Variants in PTPRM observed in about 807,000 individuals in gnomAD.
PTPRM encodes receptor-type tyrosine-protein phosphatase mu.
A neutral mutation model predicts 186.7 loss-of-function variants in PTPRM; 47 were observed. That is an observed-to-expected ratio of 0.25 (90% CI 0.20 to 0.32). The LOEUF is 0.32. Ranked by LOEUF, PTPRM falls within the 10% of genes least tolerant of loss-of-function variation. PTPRM has a pLI of 1.00. For synonymous variants in PTPRM, 668 were observed against 674.9 expected (o/e 0.99, Z 0.16); for missense variants, 1,494 against 1,865.0 (o/e 0.80, Z 3.66).
chr18:8,052,783 A>G (rs2087603626), intron 7 of PTPRM, among the ~76,000 whole-genome samples: 1 of 152,206 alleles, frequency 6.6e-6, no homozygotes, highest in African/African-American at 2.4e-5. Context: ...TGGCTGTACC[A>G]ATCCCACTCT....
intron 7 of PTPRM, among the ~76,000 whole-genome samples, chr18:7,977,913 C>T (rs1012901394): frequency 6.6e-6 from 1 of 152,172 alleles, no homozygotes; most frequent in African/African-American, 2.4e-5. Context: ...CAGTTCTGGA[C>T]AGAATATACT....
intron 1 of PTPRM, among the ~76,000 whole-genome samples, chr18:7,718,538 C>T (rs1254772582): frequency 1.3e-5 from 2 of 152,100 alleles, no homozygotes; most frequent in African/African-American, 4.8e-5. Flanking sequence ...AAAGCAAATG[C>T]AACAAAAACA....
chr18:8,367,360 C>T (rs1221465103), intron 23 of PTPRM, among the ~76,000 whole-genome samples: 1 of 152,256 alleles, frequency 6.6e-6, no homozygotes, highest in African/African-American at 2.4e-5. Context: ...AGCACGCATT[C>T]TAGAAGGAAG....
intron 7 of PTPRM, among the ~76,000 whole-genome samples, chr18:8,047,941 A>G (rs2087182481): frequency 6.6e-6 from 1 of 152,192 alleles, no homozygotes; most frequent in Non-Finnish European, 1.5e-5. Flanking sequence ...AGGACTACGG[A>G]ACAGATGATA....
intron 13 of PTPRM, 114 bp downstream of exon 13, chr18:8,114,941 A>G (rs1308427012): frequency 1.4e-6 from 1 of 700,992 alleles, no homozygotes; most frequent in Non-Finnish European, 2.4e-6. Context: ...TGTGTGTATT[A>G]TATATACATA....
chr18:7,924,597 A>G (rs1379616861), intron 4 of PTPRM, among the ~76,000 whole-genome samples: 1 of 152,186 alleles, frequency 6.6e-6, no homozygotes, highest in Non-Finnish European at 1.5e-5. Flanking sequence ...TAAAATGAAC[A>G]GTCTTTAAGG....
chr18:8,237,888 T>C (rs1190576974), intron 14 of PTPRM, among the ~76,000 whole-genome samples: 2 of 152,234 alleles, frequency 1.3e-5, no homozygotes, highest in Non-Finnish European at 2.9e-5. Flanking sequence ...CTTGTTTGAA[T>C]GGTTTCTGAG....
chr18:7,724,832 A>T (rs1255204997), intron 1 of PTPRM, among the ~76,000 whole-genome samples: 1 of 152,224 alleles, frequency 6.6e-6, no homozygotes, highest in Admixed American at 6.5e-5. Context: ...GTTAGTTTTA[A>T]ACTAATTACT....
chr18:8,021,113 C>G (rs1453388714), intron 7 of PTPRM, among the ~76,000 whole-genome samples: 1 of 152,072 alleles, frequency 6.6e-6, no homozygotes, highest in Non-Finnish European at 1.5e-5. Context: ...AGTAGCAGTA[C>G]CTGTTGACTG....
intron 19 of PTPRM, among the ~76,000 whole-genome samples, chr18:8,282,892 T>C (rs1468947249): frequency 6.6e-6 from 1 of 152,210 alleles, no homozygotes; most frequent in Non-Finnish European, 1.5e-5. Flanking sequence ...CATGGAATAT[T>C]ACTGAGCTGC....
intron 2 of PTPRM, among the ~76,000 whole-genome samples, chr18:7,791,407 T>C (rs148422634): frequency 6.6e-6 from 1 of 152,354 alleles, no homozygotes; most frequent in East Asian, 1.9e-4. Context: ...ATTCACATTA[T>C]AGTCTATTGT....
At chr18:7,630,702 A>G (rs1352837006) in intron 1 of PTPRM, among the ~76,000 whole-genome samples, 1 of 152,324 alleles carries the variant, frequency 6.6e-6, no homozygotes, top group Non-Finnish European at 1.5e-5. Flanking sequence ...GTTTTCTATC[A>G]TGAACTCTGA....
chr18:7,853,675 A>G (rs747908760), intron 2 of PTPRM, among the ~76,000 whole-genome samples: 2 of 152,162 alleles, frequency 1.3e-5, no homozygotes, highest in Non-Finnish European at 2.9e-5. Flanking sequence ...TAGAAGTGGT[A>G]GAGACATACT....
rs1009228300 is a variant in PTPRM at position 8,045,984 on chromosome 18, T to C, written c.1133-23702T>C. Among the ~76,000 whole-genome samples, 3 of 152,330 alleles carry C rather than the reference T, an allele frequency of 2.0e-5. No individual in the cohort carries two copies. In the South Asian group the frequency reaches 6.2e-4, roughly 32 times the overall value. On this transcript the variant is annotated intron_variant, in intron 7 of 32. Coordinates refer to ENST00000580170, the MANE Select transcript of PTPRM (RefSeq NM_001105244.2). ...CTCCACCCAAAATCTCATCTTGAAT[T>C]GTAATCCTTACGTGTCAAGGGTAGT...
intron 22 of PTPRM, among the ~76,000 whole-genome samples, chr18:8,340,504 G>A (rs1399724703): frequency 1.3e-5 from 2 of 152,126 alleles, no homozygotes; most frequent in South Asian, 2.1e-4. Flanking sequence ...AAGACAATGC[G>A]AATTTCATTA....
chr18:7,700,501 C>A (rs1034738048), intron 1 of PTPRM, among the ~76,000 whole-genome samples: 1 of 152,212 alleles, frequency 6.6e-6, no homozygotes, highest in African/African-American at 2.4e-5. Flanking sequence ...ACCTTCTAGA[C>A]TGTGCAATGC....
chr18:8,386,054 G>A (rs2148541804), intron 30 of PTPRM, among the ~76,000 whole-genome samples: 1 of 152,244 alleles, frequency 6.6e-6, no homozygotes, highest in East Asian at 1.9e-4. Flanking sequence ...CTGAGTTGTT[G>A]TCCAGGCTGC....
At chr18:7,594,566 C>A (rs992474849) in intron 1 of PTPRM, among the ~76,000 whole-genome samples, 1 of 151,968 alleles carries the variant, frequency 6.6e-6, no homozygotes, top group African/African-American at 2.4e-5. Flanking sequence ...GTGTGTATAT[C>A]GCTCATTAGA....
chr18:7,765,181 T>A (rs1311095380), intron 1 of PTPRM, among the ~76,000 whole-genome samples: 6 of 152,056 alleles, frequency 3.9e-5, no homozygotes, highest in Admixed American at 3.9e-4. Flanking sequence ...TTTTAAAAAA[T>A]TAGGAATCCA....
Sources: gnomAD v4.1 joint callset for allele counts (sites outside exome capture counted in the v4.1 genomes callset) on GRCh38, gnomAD v4.1.1 for gene constraint, MANE v1.5 for transcripts, NCBI Gene and HGNC (gene_info 2026-07-23, HGNC 2026-07-21) for gene names.